XPNPEP3: variants seen among roughly 807,000 people sequenced by gnomAD.
XPNPEP3 encodes X-prolyl aminopeptidase 3.
XPNPEP3 carries 41 observed loss-of-function variants against 60.0 expected under a neutral mutation model. The observed-to-expected ratio is 0.68, with a 90% CI of 0.53 to 0.89. The LOEUF (loss-of-function observed/expected upper bound fraction) is 0.89. Ranked by LOEUF, XPNPEP3 falls within the 40% of genes least tolerant of loss-of-function variation. The probability of loss-of-function intolerance (pLI) is 0.00; values close to 1 mark genes in which losing one functional copy is unlikely to be tolerated. For synonymous variants in XPNPEP3, 212 were observed against 223.2 expected, an observed-to-expected ratio of 0.95 and a Z score of 0.45; for missense variants, 598 against 638.9, an observed-to-expected ratio of 0.94 and a Z score of 0.69.
At chr22:40,913,445 A>T (rs1283388567) in intron 6 of XPNPEP3, among the ~76,000 whole-genome samples, 1 of 151,972 alleles carries the variant, frequency 6.6e-6, no homozygotes, top group Admixed American at 6.6e-5. Context: ...CTCAAAAAAA[A>T]AAAAAAAAAG....
At chr22:40,894,886 C>T (rs973994638) in intron 4 of XPNPEP3, among the ~76,000 whole-genome samples, 8 of 152,138 alleles carry the variant, frequency 5.3e-5, no homozygotes, top group Non-Finnish European at 1.2e-4. Context: ...ATTTGTGACC[C>T]ACTTGTTAGA....
chr22:40,886,806 G>A (rs2146254578), intron 4 of XPNPEP3, among the ~76,000 whole-genome samples: 1 of 139,378 alleles, frequency 7.2e-6, no homozygotes, highest in Non-Finnish European at 1.5e-5. Context: ...CAGCCTGGGC[G>A]ACAGAGCGAG....
At chr22:40,901,037 T>TTGAAC (rs2146264914) in intron 4 of XPNPEP3, among the ~76,000 whole-genome samples, 1 of 151,750 alleles carries the variant, frequency 6.6e-6, no homozygotes, top group South Asian at 2.1e-4. Context: ...GGAAGATCAG[T>TTGAAC]TGAACTCAGG....
chr22:40,862,015 G>T, intron 1 of XPNPEP3: 1 of 1,565,826 alleles, frequency 6.4e-7, no homozygotes, highest in Non-Finnish European at 8.6e-7. Context: ...ATAGTTGGAA[G>T]TGGGTGTGCT....
intron 1 of XPNPEP3, chr22:40,862,369 A>G (rs947414199): frequency 3.0e-6 from 3 of 1,004,102 alleles, no homozygotes; most frequent in East Asian, 1.0e-4. Flanking sequence ...TAGCCACAGC[A>G]TATCCCTTGC....
intron 8 of XPNPEP3, among the ~76,000 whole-genome samples, chr22:40,923,601 C>T (rs2058224384): frequency 6.6e-6 from 1 of 152,102 alleles, no homozygotes; most frequent in Non-Finnish European, 1.5e-5. Context: ...CCTGTAATCC[C>T]AGCACTTTAG....
At chr22:40,898,285 C>T (rs187452852) in intron 4 of XPNPEP3, among the ~76,000 whole-genome samples, 1,701 of 96,244 alleles carry the variant, frequency 0.018, 34 homozygotes, top group Non-Finnish European at 0.024. Context: ...CTCGCTCTGT[C>T]GCCCAGGTCG....
chr22:40,905,316 G>GT (rs553526994), intron 4 of XPNPEP3, among the ~76,000 whole-genome samples: 10 of 151,670 alleles, frequency 6.6e-5, no homozygotes, highest in South Asian at 2.1e-4. Flanking sequence ...TCTCCACCTC[G>GT]TGAACCACCG....
At chr22:40,866,975 T>C (rs1345356678) in intron 1 of XPNPEP3, among the ~76,000 whole-genome samples, 2 of 152,216 alleles carry the variant, frequency 1.3e-5, no homozygotes, top group African/African-American at 4.8e-5. Flanking sequence ...ACACTATGTG[T>C]GCATGAGTAC....
At chr22:40,911,053 CCTGA>C (rs368347220) in intron 6 of XPNPEP3, among the ~76,000 whole-genome samples, 21 of 152,056 alleles carry the variant, frequency 1.4e-4, no homozygotes, top group East Asian at 3.9e-4. Context: ...ATAAACCTTT[CCTGA>C]CTATTTGTAT....
intron 2 of XPNPEP3, among the ~76,000 whole-genome samples, 182 bp from the exon 3 acceptor site, chr22:40,881,588 C>T (rs896744763): frequency 1.3e-5 from 2 of 152,100 alleles, no homozygotes; most frequent in Non-Finnish European, 2.9e-5. Flanking sequence ...ATCATTTCTT[C>T]CAAATTTTTG....
intron 4 of XPNPEP3, among the ~76,000 whole-genome samples, chr22:40,892,766 T>C (rs940482003): frequency 1.3e-5 from 2 of 152,208 alleles, no homozygotes; most frequent in African/African-American, 4.8e-5. Context: ...CATTTCAATG[T>C]ACTTTCCAGA....
intron 1 of XPNPEP3, among the ~76,000 whole-genome samples, chr22:40,866,925 T>C: frequency 6.6e-6 from 1 of 152,334 alleles, no homozygotes; most frequent in Non-Finnish European, 1.5e-5. Context: ...AGTTAACTTT[T>C]TATATTCTGA....
intron 9 of XPNPEP3, 100 bp downstream of exon 9, chr22:40,924,582 G>A: frequency 6.7e-7 from 1 of 1,500,428 alleles, no homozygotes; most frequent in Non-Finnish European, 9.1e-7. Context: ...GGAGTGAAGT[G>A]GTGTGATCTT....
At position 40,926,427 on chromosome 22, in the gene XPNPEP3, G is replaced by A. The variant is rs139592817; in HGVS notation, c.1516G>A (p.Ala506Thr). The change falls in exon 10 of 10, where the codon GCT becomes ACT. Residue 506 changes from alanine (A) to threonine (T), a missense_variant. Physicochemically the swap from Ala to Thr is moderately conservative, Grantham distance 58 (BLOSUM62 0). Transcript: ENST00000357137. ...MNDIEQICSQ[A>T]S ...TGACATTGAACAGATATGCAGCCAG[G>A]CTTCTTGACCTTCACTGCGGCCCAC... 2.1e-4 allele frequency: 339 copies of A among 1,613,958 alleles called. No individual in the cohort carries two copies. Among genetic ancestry groups the A allele is most frequent in the Non-Finnish European group, 2.6e-4 (309 of 1,180,056 alleles).
At chr22:40,889,336 C>T (rs1475610686) in intron 4 of XPNPEP3, among the ~76,000 whole-genome samples, 1 of 152,174 alleles carries the variant, frequency 6.6e-6, no homozygotes, top group African/African-American at 2.4e-5. Context: ...CCTCTTAACA[C>T]TTTCAGTCAG....
intron 2 of XPNPEP3, among the ~76,000 whole-genome samples, chr22:40,874,838 G>C (rs1316102397): frequency 4.6e-5 from 7 of 152,180 alleles, no homozygotes; most frequent in Non-Finnish European, 1.0e-4. Flanking sequence ...GGACAAGCCA[G>C]TTCTGTGGCC....
intron 2 of XPNPEP3, among the ~76,000 whole-genome samples, chr22:40,870,869 C>A (rs976486373): frequency 6.8e-6 from 1 of 148,040 alleles, no homozygotes; most frequent in Admixed American, 6.8e-5. Context: ...AAATACCCCC[C>A]AAAAAAAAAA....
chr22:40,859,266 G>C (rs1404606846), intron 1 of XPNPEP3, among the ~76,000 whole-genome samples: 1 of 152,042 alleles, frequency 6.6e-6, no homozygotes, highest in Non-Finnish European at 1.5e-5. Flanking sequence ...GCTCGTGGAG[G>C]GCCTTGTATA....
Sources: allele counts gnomAD v4.1 joint callset (sites outside exome capture counted in the v4.1 genomes callset), GRCh38; gene constraint gnomAD v4.1.1; transcripts MANE v1.5; gene names NCBI Gene and HGNC (gene_info 2026-07-23, HGNC 2026-07-21).